The following NEDD4L variants were observed in gnomAD, a reference collection of about 807,000 sequenced individuals.
NEDD4L encodes the protein E3 ubiquitin-protein ligase NEDD4-like.
Under a neutral mutation model 148.9 loss-of-function variants are expected in NEDD4L, and 54 were observed. The observed-to-expected ratio is 0.36, with a 90% confidence interval of 0.29 to 0.45. The LOEUF is 0.45. Among genes scored for constraint, NEDD4L ranks in the 20% least tolerant of loss-of-function variants. NEDD4L has a pLI of 1.00. For synonymous variants in NEDD4L, 433 were observed against 440.7 expected (o/e 0.98, Z 0.22); for missense variants, 856 against 1,233.8 (o/e 0.69, Z 4.59).
chr18:58,372,961 G>A (rs2047089553), intron 23 of NEDD4L: 3 of 498,840 alleles, frequency 6.0e-6, no homozygotes, highest in African/African-American at 1.9e-5. Flanking sequence ...ACTAAGGACA[G>A]GATTTAACTG....
Position 58,323,346 on chromosome 18 carries a change from G to A in NEDD4L, c.513+12G>A, listed in dbSNP as rs536425593. The A allele has an allele frequency of 4.4e-6, 6 of 1,373,804 alleles. 1 individual carries two copies. The South Asian group carries it at 6.1e-5, about 14-fold the overall frequency. The allele number at this position is 1,373,804 out of a possible 1,614,324, so 85.1% of individuals were successfully genotyped here. A position where few individuals can be genotyped will look rare whatever the true frequency, so the allele number is the denominator to read the frequency against. Reference sequence around the variant, plus strand: ...GGGATGACATGGAGGTACGTGGAGGGCGTCAGGCCTCTCTCCTTGCCTTGA... The same window carrying A: ...GGGATGACATGGAGGTACGTGGAGGACGTCAGGCCTCTCTCCTTGCCTTGA... On this transcript the variant is annotated intron_variant, in intron 8 of 30. Transcript: ENST00000400345.
At chr18:58,266,027 A>T (rs900189316) in intron 5 of NEDD4L, among the ~76,000 whole-genome samples, 15 of 152,136 alleles carry the variant, frequency 9.9e-5, no homozygotes, top group African/African-American at 3.6e-4. Flanking sequence ...GTATGATATG[A>T]GACATGTTAA....
At chr18:58,254,026 C>A (rs1335659110) in intron 5 of NEDD4L, among the ~76,000 whole-genome samples, 2 of 150,538 alleles carry the variant, frequency 1.3e-5, no homozygotes, top group African/African-American at 2.4e-5. Flanking sequence ...ATTAACCCAG[C>A]GGAGACAATA....
intron 2 of NEDD4L, among the ~76,000 whole-genome samples, chr18:58,185,997 A>G (rs544268837): frequency 2.2e-4 from 34 of 152,322 alleles, no homozygotes; most frequent in African/African-American, 6.5e-4. Context: ...CGTACAGAGA[A>G]GGATGCAACA....
rs145437520 is a variant in NEDD4L at position 58,353,304 on chromosome 18, C to T, written c.1708+2259C>T. Among the ~76,000 whole-genome samples, 42 of 152,308 alleles carry T rather than the reference C, an allele frequency of 2.8e-4. 1 individual carries two copies. The East Asian group carries it at 6.2e-3, about 22-fold the overall frequency. On this transcript the variant is annotated intron_variant, in intron 18 of 30. Coordinates refer to ENST00000400345, the MANE Select transcript of NEDD4L (RefSeq NM_001144967.3). ...TTTCACTTGACTAGAGCAGCACCCC[C>T]GAGGCTCCATTATACTCTGTACAGA...
At chr18:58,058,755 C>G (rs2082197455) in intron 1 of NEDD4L, among the ~76,000 whole-genome samples, 1 of 152,220 alleles carries the variant, frequency 6.6e-6, no homozygotes, top group Admixed American at 6.5e-5. Context: ...AAGCTGGGCA[C>G]TCTGTCTCCA....
At chr18:58,088,952 C>T (rs2083907578) in intron 1 of NEDD4L, among the ~76,000 whole-genome samples, 1 of 152,104 alleles carries the variant, frequency 6.6e-6, no homozygotes, top group African/African-American at 2.4e-5. Flanking sequence ...GACAGCATTC[C>T]ATGTGCCCCA....
chr18:58,256,461 G>C lies in NEDD4L; in HGVS notation c.297+4407G>C. 8.1e-7 allele frequency: 1 copy of C among 1,232,334 alleles called. No individual in the cohort carries two copies. The highest frequency in any genetic ancestry group is 1.0e-6 in the Non-Finnish European group (1 of 988,080). 76.3% of individuals were successfully genotyped at this position (1,232,334 alleles called of 1,614,324 possible). A position where few individuals can be genotyped will look rare whatever the true frequency, so the allele number is the denominator to read the frequency against. ...GGCACAAAGGGGGACAGGTTGGTGA[G>C]GTATCCTCGCATTCGGCTGGAGAGG... On this transcript the variant is annotated intron_variant, in intron 5 of 30. Coordinates refer to ENST00000400345, the MANE Select transcript of NEDD4L (RefSeq NM_001144967.3). The surrounding 1 kb of genome is among the most constrained non-coding windows in gnomAD (Gnocchi z 5.2).
chr18:58,063,426 T>C (rs1026180210), intron 1 of NEDD4L, among the ~76,000 whole-genome samples: 20 of 152,144 alleles, frequency 1.3e-4, no homozygotes, highest in African/African-American at 4.8e-4. Flanking sequence ...AAAATACATG[T>C]TTTGTCTATT....
chr18:58,178,589 T>C (rs377160920), intron 2 of NEDD4L, among the ~76,000 whole-genome samples: 2 of 152,228 alleles, frequency 1.3e-5, no homozygotes, highest in East Asian at 1.9e-4. Context: ...TTAGTGTAAG[T>C]AATGTTTAAT....
At chr18:58,239,835 T>A (rs752142337) in intron 2 of NEDD4L, among the ~76,000 whole-genome samples, 12 of 152,260 alleles carry the variant, frequency 7.9e-5, no homozygotes, top group Non-Finnish European at 1.6e-4. Context: ...TAAACCCATT[T>A]GAGATCAGTG....
At chr18:58,184,483 G>A (rs944555917) in intron 2 of NEDD4L, among the ~76,000 whole-genome samples, 1 of 151,884 alleles carries the variant, frequency 6.6e-6, no homozygotes, top group Non-Finnish European at 1.5e-5. Flanking sequence ...TAGGAGGTAG[G>A]GATTATTATC....
chr18:58,069,601 T>C (rs950753833), intron 1 of NEDD4L, among the ~76,000 whole-genome samples: 2 of 152,166 alleles, frequency 1.3e-5, no homozygotes, highest in African/African-American at 4.8e-5. Context: ...GAATGGGAAG[T>C]GTTAATGCTG....
chr18:58,327,854 T>C (rs2059439492), intron 9 of NEDD4L, among the ~76,000 whole-genome samples: 1 of 152,124 alleles, frequency 6.6e-6, no homozygotes, highest in African/African-American at 2.4e-5. Context: ...CCTGAAAAAA[T>C]TTTTGGCATT....
chr18:58,224,670 C>CA (rs1459708141), intron 2 of NEDD4L, among the ~76,000 whole-genome samples: 4 of 152,162 alleles, frequency 2.6e-5, no homozygotes, highest in African/African-American at 4.8e-5. Context: ...CTATTTAAGT[C>CA]ACTTGTCCTG....
intron 5 of NEDD4L, chr18:58,255,550 T>G: frequency 8.1e-7 from 1 of 1,231,562 alleles, no homozygotes; most frequent in African/African-American, 1.6e-5. Context: ...GGACACTTTT[T>G]CTTGGAATTT....
At chr18:58,069,499 A>G (rs2144861737) in intron 1 of NEDD4L, among the ~76,000 whole-genome samples, 1 of 152,330 alleles carries the variant, frequency 6.6e-6, no homozygotes, top group Middle Eastern at 3.4e-3. Flanking sequence ...CCTGGAAGAA[A>G]GTTTGGCTGG....
Position 58,322,582 on chromosome 18 carries a change from G to A in NEDD4L, c.410+96G>A, listed in dbSNP as rs114718408. On this transcript the variant is annotated intron_variant, in intron 7 of 30. Coordinates refer to ENST00000400345, the MANE Select transcript of NEDD4L (RefSeq NM_001144967.3). ...CCCTGCGTGCTGTGGATATGGGTGG[G>A]TGGGGATGTCTGCCTTGCTTGCTGT... is the stretch of plus-strand genomic sequence containing the variant. 709 of 637,154 alleles carry A rather than the reference G, an allele frequency of 1.1e-3. 1 individual carries two copies. In the African/African-American group the frequency reaches 0.012, roughly 11 times the overall value. 39.5% of individuals were successfully genotyped at this position (637,154 alleles called of 1,614,324 possible).
At chr18:58,221,152 G>A (rs1485419244) in intron 2 of NEDD4L, among the ~76,000 whole-genome samples, 2 of 152,190 alleles carry the variant, frequency 1.3e-5, no homozygotes, top group African/African-American at 4.8e-5. Flanking sequence ...CATCTGCCGA[G>A]TGTGGGGCCT....
Sources: gnomAD v4.1 joint callset for allele counts (sites outside exome capture counted in the v4.1 genomes callset) on GRCh38, gnomAD v4.1.1 for gene constraint, Gnocchi (gnomAD v3.1) non-coding constraint, MANE v1.5 for transcripts, NCBI Gene and HGNC (gene_info 2026-07-23, HGNC 2026-07-21) for gene names.